ATXN8OS: variants seen among roughly 807,000 people sequenced by gnomAD.
ATXN8OS encodes the protein ATXN8 opposite strand (non-protein coding).
intron 4 of ATXN8OS, among the ~76,000 whole-genome samples, chr13:70,159,542 G>C (rs1363940677): frequency 6.6e-6 from 1 of 151,922 alleles, no homozygotes; most frequent in Non-Finnish European, 1.5e-5. Context: ...TGATTATTAT[G>C]GATTCCCACG....
At chr13:70,139,505 C>CCTG in intron 3 of ATXN8OS, 1 of 548,600 alleles carries the variant, frequency 1.8e-6, no homozygotes, top group Admixed American at 2.7e-5. Flanking sequence ...CTTCCTCATA[C>CCTG]TGCTTATCTC....
chr13:70,110,192 T>C (rs1289033384), intron 1 of ATXN8OS, among the ~76,000 whole-genome samples: 2 of 152,098 alleles, frequency 1.3e-5, no homozygotes, highest in East Asian at 1.9e-4. Flanking sequence ...TAGCAGATGG[T>C]GAATAAAGCC....
At chr13:70,169,054 G>C (rs1889112354) in intron 4 of ATXN8OS, among the ~76,000 whole-genome samples, 1 of 151,988 alleles carries the variant, frequency 6.6e-6, no homozygotes, top group South Asian at 2.1e-4. Context: ...TCCATGAATA[G>C]ATTGCTATTT....
rs560591958 is a variant in ATXN8OS at position 70,152,464 on chromosome 13, C to A, written n.573+5036C>A. ...GTGTATGTATGTGTATATGTGTATA[C>A]ATGTATACACATATATATACACACA... On this transcript the variant is annotated intron_variant and non_coding_transcript_variant, in intron 4 of 4. Coordinates refer to ENST00000678624, the Ensembl canonical transcript of ATXN8OS. Among the ~76,000 whole-genome samples, 32 of 151,498 alleles carry A rather than the reference C, an allele frequency of 2.1e-4. 1 individual carries two copies. The highest frequency in any genetic ancestry group is 2.2e-4 in the Non-Finnish European group (15 of 67,852).
At chr13:70,150,500 G>A (rs866309595) in intron 4 of ATXN8OS, among the ~76,000 whole-genome samples, 2 of 152,054 alleles carry the variant, frequency 1.3e-5, no homozygotes, top group Non-Finnish European at 2.9e-5. Flanking sequence ...CTATGTGTAA[G>A]GTAGGAGACT....
At chr13:70,152,985 TAG>T (rs907646804) in intron 4 of ATXN8OS, among the ~76,000 whole-genome samples, 2 of 142,806 alleles carry the variant, frequency 1.4e-5, no homozygotes, top group Non-Finnish European at 1.5e-5. Context: ...GAAGGAGAAA[TAG>T]AGAGTTAGAG....
chr13:70,144,076 A>G (rs914794201), intron 3 of ATXN8OS, among the ~76,000 whole-genome samples: 1 of 152,146 alleles, frequency 6.6e-6, no homozygotes, highest in African/African-American at 2.4e-5. Context: ...ACTGTGGTGA[A>G]GCATATAATC....
intron 1 of ATXN8OS, among the ~76,000 whole-genome samples, chr13:70,112,921 T>TATA (rs71116991): frequency 1.0e-3 from 53 of 52,402 alleles, no homozygotes; most frequent in African/African-American, 3.3e-3. Flanking sequence ...ATATATATAA[T>TATA]TTTTTTTTTT....
chr13:70,147,427 A>G (rs985774431), exon 4 of ATXN8OS, among the ~76,000 whole-genome samples: 4 of 152,128 alleles, frequency 2.6e-5, no homozygotes, highest in Admixed American at 2.0e-4. Context: ...TTAATGGCTT[A>G]GGTGAGTCTG....
At chr13:70,144,153 A>T (rs1888751300) in intron 3 of ATXN8OS, among the ~76,000 whole-genome samples, 1 of 152,094 alleles carries the variant, frequency 6.6e-6, no homozygotes. Flanking sequence ...ATTGCCCAGA[A>T]ATATTTGTCT....
At chr13:70,126,330 C>T (rs1386655489) in intron 2 of ATXN8OS, among the ~76,000 whole-genome samples, 1 of 151,904 alleles carries the variant, frequency 6.6e-6, no homozygotes, top group African/African-American at 2.4e-5. Context: ...TCTCATGGTA[C>T]AAAAAAAGCT....
chr13:70,152,410 TATAC>T (rs1298356156), intron 4 of ATXN8OS, among the ~76,000 whole-genome samples: 2 of 151,960 alleles, frequency 1.3e-5, no homozygotes, highest in African/African-American at 2.4e-5. Flanking sequence ...TACATACAAG[TATAC>T]ATATATACAC....
intron 2 of ATXN8OS, among the ~76,000 whole-genome samples, chr13:70,126,737 C>T (rs1294915028): frequency 2.0e-5 from 3 of 151,424 alleles, no homozygotes; most frequent in Non-Finnish European, 4.4e-5. Context: ...TATAAATAGA[C>T]ATCTATAAAT....
At chr13:70,132,454 G>C (rs1322372036) in intron 3 of ATXN8OS, among the ~76,000 whole-genome samples, 1 of 151,658 alleles carries the variant, frequency 6.6e-6, no homozygotes, top group Non-Finnish European at 1.5e-5. Flanking sequence ...ATAGACATTG[G>C]AGACTACTAG....
At chr13:70,159,434 C>A (rs1888976610) in intron 4 of ATXN8OS, among the ~76,000 whole-genome samples, 1 of 151,976 alleles carries the variant, frequency 6.6e-6, no homozygotes. Context: ...GTCTCATTAG[C>A]AGGGGATGTT....
rs2739855 is a variant in ATXN8OS, at chr13:70,159,199, C to T, written n.574-10554C>T. Among the ~76,000 whole-genome samples, 266 of 84,248 alleles carry T rather than the reference C, an allele frequency of 3.2e-3. 1 individual carries two copies. The highest frequency in any genetic ancestry group is 6.2e-3 in the African/African-American group (215 of 34,570). The allele number at this position is 84,248 out of a possible 152,430, so 55.3% of individuals were successfully genotyped here. A position where few individuals can be genotyped will look rare whatever the true frequency, so the allele number is the denominator to read the frequency against. ...TTCCATTCTCTCTCTCTCTCTCTCT[C>T]ACTTTTTATTACACATATAGAAGAA... On this transcript the variant is annotated intron_variant and non_coding_transcript_variant, in intron 4 of 4. Coordinates refer to ENST00000678624, the Ensembl canonical transcript of ATXN8OS.
intron 2 of ATXN8OS, among the ~76,000 whole-genome samples, chr13:70,121,523 AT>A (rs920889014): frequency 6.6e-6 from 1 of 151,892 alleles, no homozygotes; most frequent in Non-Finnish European, 1.5e-5. Flanking sequence ...ATCCGGAAAT[AT>A]TTTTTTTCTC....
At chr13:70,134,920 T>A (rs1285125581) in intron 3 of ATXN8OS, among the ~76,000 whole-genome samples, 1 of 152,122 alleles carries the variant, frequency 6.6e-6, no homozygotes, top group Admixed American at 6.6e-5. Context: ...GGAAAAGATA[T>A]CCCCACACGA....
intron 4 of ATXN8OS, among the ~76,000 whole-genome samples, chr13:70,148,865 T>C (rs568226713): frequency 3.9e-5 from 6 of 152,122 alleles, no homozygotes; most frequent in Non-Finnish European, 8.8e-5. Context: ...CAGAACTGAT[T>C]TTGGTAAAGA....
Sources: gnomAD v4.1 joint callset for allele counts (sites outside exome capture counted in the v4.1 genomes callset) on GRCh38, gnomAD v4.1.1 for gene constraint, MANE v1.5 for transcripts, NCBI Gene and HGNC (gene_info 2026-07-23, HGNC 2026-07-21) for gene names.